Variants in DIPK1A observed in about 807,000 individuals in gnomAD.
DIPK1A encodes divergent protein kinase domain 1A, also known as family with sequence similarity 69 member A.
A neutral mutation model predicts 40.8 loss-of-function variants in DIPK1A; 27 were observed. The observed-to-expected ratio is 0.66, with a 90% CI of 0.49 to 0.91. The LOEUF is 0.91. DIPK1A is among the 40% of genes least tolerant of loss of function. The probability of loss-of-function intolerance (pLI) is 0.00; values close to 1 mark genes in which losing one functional copy is unlikely to be tolerated. For synonymous variants in DIPK1A, 166 were observed against 171.3 expected, an observed-to-expected ratio of 0.97 and a Z score of 0.24; for missense variants, 412 against 505.7, an observed-to-expected ratio of 0.81 and a Z score of 1.78.
At chr1:92,916,866 C>G (rs1650075166) in intron 1 of DIPK1A, among the ~76,000 whole-genome samples, 2 of 152,128 alleles carry the variant, frequency 1.3e-5, no homozygotes, top group Admixed American at 1.3e-4. Flanking sequence ...TAACGATAAT[C>G]TAAATTAACT....
At position 92,843,428 on chromosome 1, in the gene DIPK1A, T is replaced by TA. The variant is rs1416159618; in HGVS notation, c.1241dup (p.Thr416AsnfsTer11). 6.5e-7 allele frequency: 1 copy of TA among 1,549,966 alleles called. No homozygotes were observed. Among genetic ancestry groups the TA allele is most frequent in the Non-Finnish European group, 8.7e-7 (1 of 1,146,406 alleles). On this transcript the variant is annotated frameshift_variant, in exon 5 of 5. Coordinates refer to ENST00000370310, the MANE Select transcript of DIPK1A (RefSeq NM_001006605.5). LOFTEE classifies it high-confidence loss of function. ...AAATTTTCTTCCACAATAATGTTTT[T>TA]AGGTTATTTAGTATCAAAGAATGTT...
chr1:92,855,726 A>G (rs533871462), intron 2 of DIPK1A, among the ~76,000 whole-genome samples: 1 of 151,922 alleles, frequency 6.6e-6, no homozygotes, highest in Non-Finnish European at 1.5e-5. Context: ...CCCAACAATA[A>G]TGAAAATAAA....
chr1:92,939,908 C>T (rs935339112), intron 1 of DIPK1A, among the ~76,000 whole-genome samples: 17 of 151,662 alleles, frequency 1.1e-4, no homozygotes, highest in African/African-American at 2.2e-4. Flanking sequence ...GTTGAGATCA[C>T]GCCACTGCAC....
chr1:92,881,442 A>G (rs72968083), intron 1 of DIPK1A, among the ~76,000 whole-genome samples: 300 of 151,608 alleles, frequency 2.0e-3, no homozygotes, highest in African/African-American at 6.4e-3. Flanking sequence ...TTATTCTTTG[A>G]TCTCAAGTTT....
At chr1:92,928,287 T>C (rs906056598) in intron 1 of DIPK1A, among the ~76,000 whole-genome samples, 2 of 152,246 alleles carry the variant, frequency 1.3e-5, no homozygotes, top group African/African-American at 4.8e-5. Context: ...AATGCTGTAC[T>C]ACTAAACACT....
At chr1:92,955,411 G>A (rs922191103) in intron 1 of DIPK1A, among the ~76,000 whole-genome samples, 1 of 152,148 alleles carries the variant, frequency 6.6e-6, no homozygotes, top group African/African-American at 2.4e-5. Flanking sequence ...TAAATATAGG[G>A]GAGGGGGCTG....
chr1:92,921,136 T>C (rs1391729965), intron 1 of DIPK1A, among the ~76,000 whole-genome samples: 1 of 152,198 alleles, frequency 6.6e-6, no homozygotes. Context: ...AAAGAAATGC[T>C]ACTTGCTGCT....
intron 4 of DIPK1A, chr1:92,835,095 T>G (rs1687065477): frequency 4.8e-6 from 4 of 827,794 alleles, no homozygotes; most frequent in Non-Finnish European, 7.7e-6. Context: ...TTTTCTGCAA[T>G]GACACAAATC....
At chr1:92,921,802 G>C (rs1341891656) in intron 1 of DIPK1A, among the ~76,000 whole-genome samples, 2 of 152,218 alleles carry the variant, frequency 1.3e-5, no homozygotes, top group Non-Finnish European at 2.9e-5. Context: ...AAAGGGACCA[G>C]GAGTTCTATC....
At chr1:92,837,125 T>G (rs985726471) in intron 4 of DIPK1A, 11 of 408,226 alleles carry the variant, frequency 2.7e-5, no homozygotes, top group Admixed American at 1.1e-4. Flanking sequence ...CTTATTCCCA[T>G]GTACCCACTG....
rs751523608 is a variant in DIPK1A, at chr1:92,843,898, C to G, written c.772G>C (p.Asp258His). ...GGCCATGATGGTGTGAACAGCTGAT[C>G]CATGCTTCTTCTGAACCCAGATGGA... ...FIPSGFRRSM[D>H]QLFTPSWPRK... Residue 258 changes from aspartate to histidine, a missense_variant, in exon 5 of 5, where the codon GAT (aspartate) becomes CAT (histidine). Coordinates refer to ENST00000370310, the MANE Select transcript of DIPK1A (RefSeq NM_001006605.5). The G allele has an allele frequency of 3.9e-6, 6 of 1,551,750 alleles. No individual in the cohort carries two copies. The highest frequency in any genetic ancestry group is 5.2e-6 in the Non-Finnish European group (6 of 1,147,006).
intron 2 of DIPK1A, among the ~76,000 whole-genome samples, chr1:92,866,367 G>A (rs1288291439): frequency 1.3e-5 from 2 of 152,208 alleles, no homozygotes; most frequent in Non-Finnish European, 2.9e-5. Context: ...CTCTCAAAGT[G>A]CTGGGATTAC....
intron 2 of DIPK1A, among the ~76,000 whole-genome samples, chr1:92,865,902 T>C (rs973001743): frequency 3.9e-5 from 6 of 152,192 alleles, no homozygotes; most frequent in Admixed American, 3.9e-4. Flanking sequence ...TTATACGAAA[T>C]GCATATATAA....
intron 1 of DIPK1A, among the ~76,000 whole-genome samples, chr1:92,897,370 C>A (rs1176363154): frequency 4.0e-5 from 6 of 151,550 alleles, no homozygotes; most frequent in Admixed American, 6.6e-5. Context: ...ATGGATGAAG[C>A]TGGAAACCAT....
chr1:92,858,191 G>T (rs1688051868), intron 2 of DIPK1A, among the ~76,000 whole-genome samples: 1 of 152,020 alleles, frequency 6.6e-6, no homozygotes, highest in South Asian at 2.1e-4. Flanking sequence ...CCTGATCTTG[G>T]GCTCCTGAAT....
intron 1 of DIPK1A, among the ~76,000 whole-genome samples, chr1:92,888,937 T>G (rs1417022256): frequency 6.6e-6 from 1 of 152,242 alleles, no homozygotes; most frequent in Admixed American, 6.5e-5. Flanking sequence ...ATGAATAGTT[T>G]GCAAATATTT....
intron 2 of DIPK1A, among the ~76,000 whole-genome samples, chr1:92,861,332 T>C (rs1647264047): frequency 7.2e-6 from 1 of 138,500 alleles, no homozygotes; most frequent in Admixed American, 7.3e-5. Context: ...TTTTTTTTTT[T>C]TTTTTTTTTT....
chr1:92,890,852 T>G (rs1648838761), intron 1 of DIPK1A, among the ~76,000 whole-genome samples: 1 of 152,190 alleles, frequency 6.6e-6, no homozygotes, highest in Non-Finnish European at 1.5e-5. Context: ...AAGAATGCCC[T>G]TCTTTTCAGT....
In DIPK1A at chr1:92,842,718, C is replaced by T; in HGVS notation, c.*665G>A. The T allele has an allele frequency of 1.0e-6, 1 of 985,304 alleles. No individual in the cohort carries two copies. The highest frequency in any genetic ancestry group is 1.2e-6 in the Non-Finnish European group (1 of 829,924). The allele number at this position is 985,304 out of a possible 1,614,324, so 61.0% of individuals were successfully genotyped here. ...TCAGCTGCGTGATACTAAGATGGGC[C>T]CTTTGAATCTTTAGGAAAGTTCATC... On this transcript the variant is annotated 3_prime_UTR_variant, in exon 5 of 5. Transcript: ENST00000370310.
Sources: gnomAD v4.1 joint callset for allele counts (sites outside exome capture counted in the v4.1 genomes callset) on GRCh38, gnomAD v4.1.1 for gene constraint, MANE v1.5 for transcripts, NCBI Gene and HGNC (gene_info 2026-07-23, HGNC 2026-07-21) for gene names.